The following ULK1 variants were observed in gnomAD, a reference collection of about 807,000 sequenced individuals.
ULK1 encodes the protein serine/threonine-protein kinase ULK1.
ULK1 carries 48 observed loss-of-function variants against 117.5 expected under a neutral mutation model. The ratio of observed to expected loss-of-function variants is 0.41; its 90% confidence interval spans 0.32 to 0.52. The LOEUF (loss-of-function observed/expected upper bound fraction) is 0.52. Ranked by LOEUF, ULK1 falls within the 20% of genes least tolerant of loss-of-function variation. The probability of loss-of-function intolerance (pLI) is 0.29; values close to 1 mark genes in which losing one functional copy is unlikely to be tolerated. For synonymous variants in ULK1, 790 were observed against 637.8 expected, an observed-to-expected ratio of 1.24 and a Z score of -3.60; for missense variants, 1,387 against 1,473.4, an observed-to-expected ratio of 0.94 and a Z score of 0.96.
Position 131,908,795 on chromosome 12 carries a change from C to T in ULK1, c.468C>T (p.Pro156=), listed in dbSNP as rs370978893. 145 of 1,607,480 alleles carry T rather than the reference C, an allele frequency of 9.0e-5. 2 individuals carry two copies. Among genetic ancestry groups the T allele is most frequent in the South Asian group, 8.7e-4 (79 of 90,774 alleles). ...ACCCCGCCGGCCGCCGCGCCAACCC[C>T]AACAGCATCCGCGTCAAGATCGGTC... ...LSNPAGRRAN[P]NSIRVKIADF... The change falls in exon 6 of 28, where the codon CCC becomes CCT. Residue 156 remains proline (P), a synonymous_variant. Transcript: ENST00000321867.
At chr12:131,899,463 C>T (rs551542597) in intron 3 of ULK1, among the ~76,000 whole-genome samples, 5 of 152,148 alleles carry the variant, frequency 3.3e-5, no homozygotes, top group Admixed American at 2.6e-4. Context: ...GCTAGGATTA[C>T]AGGCATGAGC....
chr12:131,921,834 A>C lies in ULK1; in HGVS notation c.*473A>C. ...ACCCACCCAGCTTTGTCAATCACCC[A>C]AGCACTTTATGCATATAGAGACAGA... On this transcript the variant is annotated 3_prime_UTR_variant, in exon 28 of 28. Coordinates refer to ENST00000321867, the MANE Select transcript of ULK1 (RefSeq NM_003565.4). 1 of 469,976 alleles carries C rather than the reference A, an allele frequency of 2.1e-6. No homozygotes were observed. Among genetic ancestry groups the C allele is most frequent in the Non-Finnish European group, 4.2e-6 (1 of 236,372 alleles). The allele number at this position is 469,976 out of a possible 1,614,324, so 29.1% of individuals were successfully genotyped here. A position where few individuals can be genotyped will look rare whatever the true frequency, so the allele number is the denominator to read the frequency against.
chr12:131,918,133 C>T (rs1889945442), intron 22 of ULK1, among the ~76,000 whole-genome samples: 2 of 152,136 alleles, frequency 1.3e-5, no homozygotes, highest in African/African-American at 2.4e-5. Context: ...GGGCCTTGGG[C>T]CCAGCTGTGG....
rs748284825 is a variant in ULK1, at chr12:131,919,373, C to T, written c.2673C>T (p.Ser891=). The change falls in exon 24 of 28, where the codon AGC becomes AGT. Residue 891 remains serine (S), a synonymous_variant. Transcript: ENST00000321867. ...SVVADQISLL[S]REWGFAEQLV... ...TGGCCGACCAGATCAGCCTGCTGAG[C>T]CGAGAATGGGGGTGGGTGCCGCCAG... 8 of 1,552,808 alleles carry T rather than the reference C, an allele frequency of 5.2e-6. No individual in the cohort carries two copies. The highest frequency in any genetic ancestry group is 7.0e-6 in the Non-Finnish European group (8 of 1,148,184).
rs1247563918 is a variant in ULK1, at chr12:131,903,152, C to T, written c.247-3740C>T. Among the ~76,000 whole-genome samples the T allele has an allele frequency of 2.0e-5, 3 of 152,082 alleles. No homozygotes were observed. The highest frequency in any genetic ancestry group is 6.5e-5 in the Admixed American group (1 of 15,274). ...GACAGGCCCAGCTGGGGGCCCCCGT[C>T]GGGGGGTGTTGTGGCGCAGGGCCTG... On this transcript the variant is annotated intron_variant, in intron 3 of 27. Coordinates refer to ENST00000321867, the MANE Select transcript of ULK1 (RefSeq NM_003565.4). The surrounding 1 kb of genome is among the most constrained non-coding windows in gnomAD (Gnocchi z 6.0).
At chr12:131,909,605 C>A (rs1336036628) in intron 8 of ULK1, among the ~76,000 whole-genome samples, 170 bp from the exon 9 acceptor site, 1 of 152,142 alleles carries the variant, frequency 6.6e-6, no homozygotes, top group Non-Finnish European at 1.5e-5. Context: ...CGCCCCCTCC[C>A]CGCCCCCATG....
chr12:131,918,383 G>T, intron 22 of ULK1, 114 bp from the exon 23 acceptor site: 1 of 1,307,492 alleles, frequency 7.6e-7, no homozygotes, highest in African/African-American at 1.5e-5. Flanking sequence ...TATAACAGGT[G>T]TAAACCGAGG....
rs1211490415 is a variant in ULK1, at chr12:131,919,828, G to A, written c.2804-151G>A. The A allele has an allele frequency of 2.7e-5, 33 of 1,231,894 alleles. 1 individual carries two copies. Among genetic ancestry groups the A allele is most frequent in the Middle Eastern group, 2.8e-4 (1 of 3,546 alleles). 76.3% of individuals were successfully genotyped at this position (1,231,894 alleles called of 1,614,324 possible). On this transcript the variant is annotated intron_variant, in intron 25 of 27. Transcript: ENST00000321867. The stretch of plus-strand genomic sequence containing the variant: ...TCGGATGGCACCCGGGACAAGGTGC[G>A]GAGCCTGGCCACACCCTCAAGGCCA...
Position 131,909,937 on chromosome 12 carries a change from G to A in ULK1, c.744G>A (p.Ser248=), listed in dbSNP as rs201382985. 43 of 1,612,040 alleles carry A rather than the reference G, an allele frequency of 2.7e-5. No individual in the cohort carries two copies. Among genetic ancestry groups the A allele is most frequent in the Non-Finnish European group, 3.5e-5 (41 of 1,179,796 alleles). Residue 248 remains serine, a synonymous_variant, in exon 10 of 28, where the codon TCG becomes TCA. Transcript: ENST00000321867. ...GCCCCAGCATCCCCCGGGAGACCTC[G>A]GCCCCGCTGCGGCAGCTGCTCCTGG... ...TLVPTIPRET[S]APLRQLLLAL... is the part of the protein sequence containing the mutation.
Position 131,917,526 on chromosome 12 carries a change from C to T in ULK1, c.2298C>T (p.Pro766=), listed in dbSNP as rs775977301. The part of the protein sequence containing the change: ...VGSPPSGSTP[P]QGPRTRMFSA... ...CTCCCCCGAGCGGGAGCACGCCCCCCCAGGGCCCCCGCACCAGGATGTTCT... is the reference window on the plus strand; with the variant it reads ...CTCCCCCGAGCGGGAGCACGCCCCCTCAGGGCCCCCGCACCAGGATGTTCT... Residue 766 remains proline, a synonymous_variant, in exon 22 of 28, where the codon CCC becomes CCT. Coordinates refer to ENST00000321867, the MANE Select transcript of ULK1 (RefSeq NM_003565.4). 2 of 1,449,410 alleles carry T rather than the reference C, an allele frequency of 1.4e-6. No homozygotes were observed. The highest frequency in any genetic ancestry group is 1.5e-5 in the South Asian group (1 of 67,046). 89.8% of individuals were successfully genotyped at this position (1,449,410 alleles called of 1,614,324 possible). A position where few individuals can be genotyped will look rare whatever the true frequency, so the allele number is the denominator to read the frequency against.
chr12:131,908,565 G>A (rs1224572549), intron 5 of ULK1, 79 bp from the exon 6 acceptor site: 1 of 1,400,802 alleles, frequency 7.1e-7, no homozygotes, highest in Non-Finnish European at 9.3e-7. Context: ...TCCGTGTGGC[G>A]GGACCGGCCT....
chr12:131,915,807 C>G lies in ULK1; in HGVS notation c.1610-84C>G, dbSNP rs994053809. The G allele has an allele frequency of 2.2e-5, 34 of 1,562,284 alleles. No homozygotes were observed. The Admixed American group carries it at 6.3e-4, about 29-fold the overall frequency. The stretch of plus-strand genomic sequence containing the variant: ...GAGTGGGGCCTTGGAGTGCGTCTAC[C>G]CCAAGGGGCTCCGTGTGGTAGCAGT... On this transcript the variant is annotated intron_variant, in intron 18 of 27. Coordinates refer to ENST00000321867, the MANE Select transcript of ULK1 (RefSeq NM_003565.4).
chr12:131,919,344 G>A lies in ULK1; in HGVS notation c.2644G>A (p.Val882Met). 6.4e-7 allele frequency: 1 copy of A among 1,573,684 alleles called. No homozygotes were observed. The highest frequency in any genetic ancestry group is 1.1e-5 in the South Asian group (1 of 87,266). The change falls in exon 24 of 28, where the codon GTG becomes ATG. Residue 882 changes from valine to methionine, a missense_variant. Around this residue, in one of 4 missense-constraint regions of ULK1, gnomAD observed 900 missense variants for 858.9 expected, o/e 1.05. Coordinates refer to ENST00000321867, the MANE Select transcript of ULK1 (RefSeq NM_003565.4). ...CCCTGAGTACCAGCTGCAGGAGAGT[G>A]TGGTGGCCGACCAGATCAGCCTGCT... is the stretch of plus-strand genomic sequence containing the variant. ...GGPEYQLQES[V>M]VADQISLLSR... is the part of the protein sequence containing the mutation.
intron 26 of ULK1, chr12:131,920,642 C>G: frequency 5.1e-6 from 1 of 194,630 alleles, no homozygotes; most frequent in Non-Finnish European, 1.1e-5. Flanking sequence ...GCCGCTAACT[C>G]CTGGGCTGAA....
chr12:131,894,982 G>GC lies in ULK1; in HGVS notation c.-15dup, dbSNP rs748083864. On this transcript the variant is annotated 5_prime_UTR_variant, in exon 1 of 28. Transcript: ENST00000321867. ...CTTGGCCCGCCACCCCCCGCCCCGC[G>GC]CCCCCGGCCCGCCTGCGCCATGGAG... The GC allele has an allele frequency of 5.8e-6, 6 of 1,026,528 alleles. No homozygotes were observed. The Admixed American group carries it at 4.2e-4, about 72-fold the overall frequency. The allele number at this position is 1,026,528 out of a possible 1,614,324, so 63.6% of individuals were successfully genotyped here. A position where few individuals can be genotyped will look rare whatever the true frequency, so the allele number is the denominator to read the frequency against.
At chr12:131,897,231 C>A (rs1888909653) in intron 3 of ULK1, 1 of 152,204 alleles carries the variant, frequency 6.6e-6, no homozygotes, top group African/African-American at 2.4e-5. Flanking sequence ...GGATTGTTGC[C>A]CTGTGTCGGT....
rs1256202263 is a variant in ULK1 at position 131,922,073 on chromosome 12, G to A, written c.*712G>A. 1 of 452,448 alleles carries A rather than the reference G, an allele frequency of 2.2e-6. No homozygotes were observed. The highest frequency in any genetic ancestry group is 4.5e-6 in the Non-Finnish European group (1 of 224,022). The allele number at this position is 452,448 out of a possible 1,614,324, so 28.0% of individuals were successfully genotyped here. A position where few individuals can be genotyped will look rare whatever the true frequency, so the allele number is the denominator to read the frequency against. The stretch of plus-strand genomic sequence containing the variant: ...AGTTCTTTGTTCAAGCGTTCCTCTG[G>A]GGACCGGCAGCAGAGGCACCGTGTT... On this transcript the variant is annotated 3_prime_UTR_variant, in exon 28 of 28. Transcript: ENST00000321867.
intron 8 of ULK1, 61 bp from the exon 9 acceptor site, chr12:131,909,714 C>T: frequency 6.8e-7 from 1 of 1,478,592 alleles, no homozygotes; most frequent in Middle Eastern, 2.0e-4. Context: ...CGCACCGAGA[C>T]CCCGTGGGCT....
chr12:131,913,311 G>A, intron 14 of ULK1, 53 bp downstream of exon 14: 2 of 1,478,774 alleles, frequency 1.4e-6, no homozygotes, highest in African/African-American at 1.5e-5. Context: ...CTGTGGCCTT[G>A]GAAGTGGCCC....
Sources: allele counts gnomAD v4.1 joint callset (sites outside exome capture counted in the v4.1 genomes callset), GRCh38; gene constraint gnomAD v4.1.1; regional missense constraint gnomAD v4.1.1; non-coding constraint Gnocchi (gnomAD v3.1); transcripts MANE v1.5; gene names NCBI Gene and HGNC (gene_info 2026-07-23, HGNC 2026-07-21).